PRKD1: variants seen among roughly 807,000 people sequenced by gnomAD.
PRKD1 encodes the protein protein kinase D1.
In PRKD1, 63 loss-of-function variants were observed where a neutral mutation model predicts 95.9. That is an observed-to-expected ratio of 0.66 (90% CI 0.54 to 0.81). The LOEUF (loss-of-function observed/expected upper bound fraction) is 0.81. PRKD1 is among the 30% of genes least tolerant of loss of function. The pLI, the probability that PRKD1 is intolerant of heterozygous loss-of-function variation, is 0.00. For synonymous variants in PRKD1, 425 were observed against 423.1 expected (o/e 1.00, Z -0.05); for missense variants, 1,048 against 1,165.3 (o/e 0.90, Z 1.47).
chr14:29,857,003 C>T (rs1011031454), intron 1 of PRKD1, among the ~76,000 whole-genome samples: 1 of 152,120 alleles, frequency 6.6e-6, no homozygotes, highest in African/African-American at 2.4e-5. Context: ...CAAACAAACC[C>T]AAGTGTGATC....
At chr14:29,771,964 C>G (rs1234679601) in intron 1 of PRKD1, among the ~76,000 whole-genome samples, 3 of 152,218 alleles carry the variant, frequency 2.0e-5, no homozygotes, top group Admixed American at 6.5e-5. Flanking sequence ...TGTTCCACCA[C>G]TGTATTTTCA....
chr14:29,577,346 C>T lies in PRKD1; in HGVS notation c.2631G>A (p.Gly877=), dbSNP rs1207076980. Residue 877 remains glycine, a synonymous_variant, in exon 18 of 18, where the codon GGG becomes GGA. Coordinates refer to ENST00000331968, the MANE Select transcript of PRKD1 (RefSeq NM_002742.3). ...TGATCAGGTGTGTGGGGTACTGCAG[C>T]CCCTGCTCGCCTGCATACTTCTCCC... ...LRWEKYAGEQ[G]LQYPTHLINP... 1.2e-6 allele frequency: 2 copies of T among 1,613,608 alleles called. No individual in the cohort carries two copies. The highest frequency in any genetic ancestry group is 1.3e-5 in the African/African-American group (1 of 74,866).
intron 2 of PRKD1, among the ~76,000 whole-genome samples, chr14:29,700,888 C>T (rs1249019242): frequency 6.6e-6 from 1 of 152,082 alleles, no homozygotes; most frequent in Non-Finnish European, 1.5e-5. Flanking sequence ...GACTTGTCAG[C>T]CTCCACAATC....
At chr14:29,913,207 G>A (rs1417010709) in intron 1 of PRKD1, among the ~76,000 whole-genome samples, 2 of 152,146 alleles carry the variant, frequency 1.3e-5, no homozygotes, top group African/African-American at 2.4e-5. Context: ...CCATTTAGAA[G>A]AGTTACCAAA....
chr14:29,788,724 C>T (rs1889388125), intron 1 of PRKD1, among the ~76,000 whole-genome samples: 1 of 151,858 alleles, frequency 6.6e-6, no homozygotes, highest in Admixed American at 6.6e-5. Context: ...TTTTATTCTC[C>T]TCTTTTGATT....
intron 2 of PRKD1, among the ~76,000 whole-genome samples, chr14:29,722,508 A>G (rs1438486999): frequency 6.6e-6 from 1 of 152,256 alleles, no homozygotes; most frequent in African/African-American, 2.4e-5. Flanking sequence ...TCTAGAAATA[A>G]TATTTTACAA....
chr14:29,859,985 G>A (rs1223274210), intron 1 of PRKD1, among the ~76,000 whole-genome samples: 1 of 152,190 alleles, frequency 6.6e-6, no homozygotes, highest in Non-Finnish European at 1.5e-5. Flanking sequence ...ACATTAAAGT[G>A]TACTTGTGAG....
At chr14:29,626,400 T>G (rs188547356) in intron 12 of PRKD1, 84 bp downstream of exon 12, 4 of 1,129,478 alleles carry the variant, frequency 3.5e-6, no homozygotes, top group Admixed American at 3.9e-5. Context: ...TCTTCTCTTC[T>G]ATGTTTTTCC....
At chr14:29,884,489 C>A (rs1287635966) in intron 1 of PRKD1, among the ~76,000 whole-genome samples, 1 of 152,076 alleles carries the variant, frequency 6.6e-6, no homozygotes, top group Non-Finnish European at 1.5e-5. Flanking sequence ...ATTTTATACC[C>A]TCATGAACCT....
chr14:29,583,005 A>C (rs1211139221), intron 16 of PRKD1, among the ~76,000 whole-genome samples: 1 of 152,188 alleles, frequency 6.6e-6, no homozygotes, highest in East Asian at 1.9e-4. Context: ...ATAATCTGGC[A>C]CAGCTGCAGA....
chr14:29,632,015 G>T (rs1381903901), intron 9 of PRKD1, among the ~76,000 whole-genome samples: 1 of 151,698 alleles, frequency 6.6e-6, no homozygotes, highest in Non-Finnish European at 1.5e-5. Flanking sequence ...TGGCCAGGCT[G>T]GTCTAGAACT....
chr14:29,653,166 T>C (rs998396035), intron 4 of PRKD1, among the ~76,000 whole-genome samples: 1 of 152,122 alleles, frequency 6.6e-6, no homozygotes, highest in Non-Finnish European at 1.5e-5. Context: ...ATTTAGAAAA[T>C]ATGCAACCTC....
At chr14:29,890,135 T>G (rs769702574) in intron 1 of PRKD1, among the ~76,000 whole-genome samples, 7 of 152,220 alleles carry the variant, frequency 4.6e-5, no homozygotes, top group Non-Finnish European at 8.8e-5. Context: ...TGCCAGCATT[T>G]TATCAAATGC....
At chr14:29,825,852 C>A (rs1481941962) in intron 1 of PRKD1, among the ~76,000 whole-genome samples, 1 of 151,958 alleles carries the variant, frequency 6.6e-6, no homozygotes, top group Non-Finnish European at 1.5e-5. Flanking sequence ...CCCTGCTTTC[C>A]ATTGTTTTGA....
intron 1 of PRKD1, among the ~76,000 whole-genome samples, chr14:29,875,684 T>C (rs188668404): frequency 1.3e-5 from 2 of 152,360 alleles, no homozygotes; most frequent in Non-Finnish European, 1.5e-5. Flanking sequence ...CTGATGTCCA[T>C]TTAAACAACA....
chr14:29,594,790 T>C (rs561818448), intron 16 of PRKD1, among the ~76,000 whole-genome samples: 4 of 152,316 alleles, frequency 2.6e-5, no homozygotes, highest in East Asian at 1.9e-4. Flanking sequence ...TGTCAGGTCC[T>C]ACAAGCTTAA....
intron 16 of PRKD1, chr14:29,594,163 T>A: frequency 2.2e-6 from 1 of 452,554 alleles, no homozygotes; most frequent in Non-Finnish European, 4.4e-6. Flanking sequence ...TTGTATCAAG[T>A]CAACATCTAC....
chr14:29,723,647 A>G (rs996210321), intron 2 of PRKD1, among the ~76,000 whole-genome samples: 40 of 147,164 alleles, frequency 2.7e-4, no homozygotes, highest in African/African-American at 1.0e-3. Context: ...TAAGCGCAGG[A>G]GATCTAAACA....
chr14:29,621,767 A>C, intron 13 of PRKD1, among the ~76,000 whole-genome samples: 1 of 152,202 alleles, frequency 6.6e-6, no homozygotes, highest in East Asian at 1.9e-4. Flanking sequence ...TGTTTGGCTC[A>C]TAATATGTAC....
Sources: gnomAD v4.1 joint callset for allele counts (sites outside exome capture counted in the v4.1 genomes callset) on GRCh38, gnomAD v4.1.1 for gene constraint, MANE v1.5 for transcripts, NCBI Gene and HGNC (gene_info 2026-07-23, HGNC 2026-07-21) for gene names.